The following RALGAPA1 variants were observed in gnomAD, a reference collection of about 807,000 sequenced individuals.
RALGAPA1 encodes the protein ral GTPase-activating protein subunit alpha-1.
Under a neutral mutation model 269.6 loss-of-function variants are expected in RALGAPA1, and 52 were observed. That is an observed-to-expected ratio of 0.19 (90% CI 0.15 to 0.24). The LOEUF (loss-of-function observed/expected upper bound fraction) is 0.24, where lower values mean the gene tolerates loss of function less well. Among genes scored for constraint, RALGAPA1 ranks in the 10% least tolerant of loss-of-function variants. The pLI, the probability that RALGAPA1 is intolerant of heterozygous loss-of-function variation, is 1.00. For synonymous variants in RALGAPA1, 817 were observed against 1,008.3 expected (o/e 0.81, Z 3.60); for missense variants, 1,917 against 3,013.9 (o/e 0.64, Z 8.52).
chr14:35,593,443 T>C (rs1211249768), intron 37 of RALGAPA1, among the ~76,000 whole-genome samples: 1 of 152,056 alleles, frequency 6.6e-6, no homozygotes, highest in Non-Finnish European at 1.5e-5. Context: ...CCATAAAAAC[T>C]CCAATGGCAT....
At chr14:35,669,047 A>G (rs1020154378) in intron 26 of RALGAPA1, among the ~76,000 whole-genome samples, 9 of 152,172 alleles carry the variant, frequency 5.9e-5, no homozygotes, top group Non-Finnish European at 1.3e-4. Context: ...CTCCATTTTT[A>G]CTTAAACAAA....
chr14:35,582,777 C>T (rs118073753), intron 37 of RALGAPA1, among the ~76,000 whole-genome samples: 3 of 152,246 alleles, frequency 2.0e-5, no homozygotes, highest in Admixed American at 1.3e-4. Flanking sequence ...TTTAAAAGGC[C>T]TGCCCTCAGT....
chr14:35,542,620 T>C (rs1228205066), intron 41 of RALGAPA1: 1 of 152,246 alleles, frequency 6.6e-6, no homozygotes, highest in Non-Finnish European at 1.5e-5. Context: ...GTAAAAAATG[T>C]AGTAACAACC....
intron 1 of RALGAPA1, among the ~76,000 whole-genome samples, chr14:35,799,212 A>G (rs1457506411): frequency 2.0e-5 from 3 of 152,156 alleles, no homozygotes; most frequent in Non-Finnish European, 4.4e-5. Context: ...AGGTTCTTAT[A>G]CTACATGGGA....
At chr14:35,655,273 C>T (rs1485714605) in intron 29 of RALGAPA1, among the ~76,000 whole-genome samples, 8 of 152,086 alleles carry the variant, frequency 5.3e-5, no homozygotes, top group Admixed American at 3.3e-4. Context: ...GTGGGTTTTA[C>T]AAGTCTTAAA....
chr14:35,794,335 T>C (rs748970360), intron 1 of RALGAPA1, among the ~76,000 whole-genome samples: 6 of 152,022 alleles, frequency 3.9e-5, no homozygotes, highest in Non-Finnish European at 5.9e-5. Flanking sequence ...TATATATATC[T>C]ATATATATGC....
At chr14:35,568,528 C>T (rs981152696) in intron 39 of RALGAPA1, among the ~76,000 whole-genome samples, 1 of 151,954 alleles carries the variant, frequency 6.6e-6, no homozygotes, top group African/African-American at 2.4e-5. Context: ...GGAATGAAGC[C>T]GTAATTCCTA....
intron 37 of RALGAPA1, among the ~76,000 whole-genome samples, chr14:35,574,465 C>T (rs982203350): frequency 6.6e-6 from 1 of 152,276 alleles, no homozygotes; most frequent in South Asian, 2.1e-4. Context: ...GAACCATGTA[C>T]ATAACAAAGT....
chr14:35,589,701 A>AT, intron 37 of RALGAPA1, among the ~76,000 whole-genome samples: 1 of 151,888 alleles, frequency 6.6e-6, no homozygotes, highest in Non-Finnish European at 1.5e-5. Flanking sequence ...GTATTTATTT[A>AT]TTTATTTATT....
At chr14:35,679,652 A>G (rs1031714517) in intron 21 of RALGAPA1, among the ~76,000 whole-genome samples, 2 of 152,234 alleles carry the variant, frequency 1.3e-5, no homozygotes, top group Non-Finnish European at 2.9e-5. Context: ...ACACCACTGT[A>G]AAGTTGAAAA....
chr14:35,787,904 A>C (rs1289607539), intron 1 of RALGAPA1, among the ~76,000 whole-genome samples: 1 of 151,964 alleles, frequency 6.6e-6, no homozygotes, highest in Admixed American at 6.6e-5. Flanking sequence ...ATTTCTAATA[A>C]AGACTGAGAC....
At chr14:35,782,154 A>G (rs1441889921) in intron 1 of RALGAPA1, among the ~76,000 whole-genome samples, 1 of 152,232 alleles carries the variant, frequency 6.6e-6, no homozygotes, top group Non-Finnish European at 1.5e-5. Flanking sequence ...ATTAATAAGA[A>G]AAATCAACTG....
Position 35,689,656 on chromosome 14 carries a change from C to T in RALGAPA1, c.2755G>A (p.Glu919Lys). 1 of 1,312,320 alleles carries T rather than the reference C, an allele frequency of 7.6e-7. No homozygotes were observed. Among genetic ancestry groups the T allele is most frequent in the South Asian group, 2.6e-5 (1 of 38,832 alleles). The allele number at this position is 1,312,320 out of a possible 1,614,324, so 81.3% of individuals were successfully genotyped here. Residue 919 changes from glutamate (E) to lysine (K), a missense_variant, in exon 18 of 42, where the codon GAA (glutamate) becomes AAA (lysine). Coordinates refer to ENST00000680220, the MANE Select transcript of RALGAPA1 (RefSeq NM_001346249.2). ...DHLCHLIGPV[E>K]LADSAFEQIQ... ...TGTTCAAAAGCTGAATCTGCAAGTT[C>T]TACTGGACCTATTAAATGACAAAGA...
Position 35,742,448 on chromosome 14 carries a change from T to C in RALGAPA1, c.1369A>G (p.Ile457Val). Residue 457 changes from isoleucine to valine, a missense_variant, in exon 11 of 42, where the codon ATC (isoleucine) becomes GTC (valine). Around this residue, in one of 11 missense-constraint regions of RALGAPA1, gnomAD observed 462 missense variants for 725.6 expected, o/e 0.64. Coordinates refer to ENST00000680220, the MANE Select transcript of RALGAPA1 (RefSeq NM_001346249.2). ...ATGCAAGGGAGGTCTGAAGAAGTGA[T>C]CACAATTTCTTCAGGCTCTTGCATG... Reference protein sequence around the residue: ...LFMQEPEEIVITSSDLPCIEN... With the variant: ...LFMQEPEEIVVTSSDLPCIEN... 6.2e-7 allele frequency: 1 copy of C among 1,605,278 alleles called. No individual in the cohort carries two copies. Among genetic ancestry groups the C allele is most frequent in the Non-Finnish European group, 8.5e-7 (1 of 1,172,960 alleles).
intron 35 of RALGAPA1, among the ~76,000 whole-genome samples, chr14:35,617,652 G>GGGGGGGGGGGA (rs1566834733): frequency 2.0e-4 from 5 of 24,430 alleles, no homozygotes; most frequent in African/African-American, 3.6e-4. Flanking sequence ...GGGGGGGGGG[G>GGGGGGGGGGGA]AAGGGGGTGA....
In RALGAPA1 at chr14:35,721,711, C is replaced by G. The variant is rs200339487; in HGVS notation, c.2243G>C (p.Ser748Thr). 298 of 1,613,452 alleles carry G rather than the reference C, an allele frequency of 1.8e-4. No individual in the cohort carries two copies. The highest frequency in any genetic ancestry group is 2.1e-4 in the Non-Finnish European group (243 of 1,179,884). Residue 748 changes from serine (S) to threonine (T), a missense_variant, in exon 16 of 42, where the codon AGT (serine) becomes ACT (threonine). Ser to Thr is a moderately conservative substitution (Grantham distance 58). Transcript: ENST00000680220. ...TGSPGTEKAR[S>T]IVRQKTVAMR... The stretch of plus-strand genomic sequence containing the variant: ...ACCGACAGTTTTTTGCCGTACTATA[C>G]TCCTCGCCTTTTCGGTTCCTGGAGA...
At chr14:35,773,912 A>G (rs1298874143) in intron 3 of RALGAPA1, among the ~76,000 whole-genome samples, 1 of 151,776 alleles carries the variant, frequency 6.6e-6, no homozygotes, top group South Asian at 2.1e-4. Context: ...GTGAATTATT[A>G]TTATTATTAT....
intron 35 of RALGAPA1, among the ~76,000 whole-genome samples, chr14:35,620,821 C>T (rs369974385): frequency 1.1e-3 from 164 of 152,020 alleles, no homozygotes; most frequent in Non-Finnish European, 1.8e-3. Context: ...GTGAAGTTCT[C>T]GTCAAGGAGA....
At chr14:35,576,022 C>T (rs2057536765) in intron 37 of RALGAPA1, among the ~76,000 whole-genome samples, 2 of 152,216 alleles carry the variant, frequency 1.3e-5, no homozygotes. Context: ...TATATATTTT[C>T]TGTTATCTGA....
Sources: gnomAD v4.1 joint callset for allele counts (sites outside exome capture counted in the v4.1 genomes callset) on GRCh38, gnomAD v4.1.1 for gene constraint, gnomAD v4.1.1 regional missense constraint, MANE v1.5 for transcripts, NCBI Gene and HGNC (gene_info 2026-07-23, HGNC 2026-07-21) for gene names.